The following ACOXL variants were observed in gnomAD, a reference collection of about 807,000 sequenced individuals.
ACOXL encodes the protein acyl-coenzyme A oxidase-like protein.
Under a neutral mutation model 71.9 loss-of-function variants are expected in ACOXL, and 70 were observed. The ratio of observed to expected loss-of-function variants is 0.97; its 90% CI spans 0.80 to 1.19. The LOEUF (loss-of-function observed/expected upper bound fraction) is 1.19, where lower values mean the gene tolerates loss of function less well. ACOXL is among the 50% of genes most tolerant of loss of function. The probability of loss-of-function intolerance (pLI) is 0.00; values close to 1 mark genes in which losing one functional copy is unlikely to be tolerated. For missense variants in ACOXL, 703 were observed against 736.3 expected (o/e 0.95, Z 0.52); for synonymous variants, 253 against 281.6 (o/e 0.90, Z 1.02).
intron 10 of ACOXL, among the ~76,000 whole-genome samples, chr2:110,900,798 C>G (rs1308307457): frequency 2.0e-5 from 3 of 152,142 alleles, no homozygotes; most frequent in Non-Finnish European, 4.4e-5. Flanking sequence ...TAATTGAACC[C>G]TCAAACAAAG....
intron 1 of ACOXL, among the ~76,000 whole-genome samples, chr2:110,753,364 C>A (rs1573345532): frequency 6.6e-6 from 1 of 152,084 alleles, no homozygotes; most frequent in African/African-American, 2.4e-5. Context: ...TATAGCAATG[C>A]AAAGTGGACT....
At chr2:110,766,220 A>G (rs1463645467) in intron 1 of ACOXL, among the ~76,000 whole-genome samples, 1 of 152,028 alleles carries the variant, frequency 6.6e-6, no homozygotes, top group African/African-American at 2.4e-5. Context: ...AATTCTTTGT[A>G]TGTGTTCTGA....
At chr2:110,785,011 T>TG (rs1683779170) in intron 3 of ACOXL, among the ~76,000 whole-genome samples, 196 bp downstream of exon 3, 1 of 152,264 alleles carries the variant, frequency 6.6e-6, no homozygotes, top group Admixed American at 6.5e-5. Flanking sequence ...AATTTGCTTT[T>TG]CTTCTTTGTA....
At chr2:111,082,942 C>T (rs1455037802) in intron 16 of ACOXL, among the ~76,000 whole-genome samples, 1 of 152,052 alleles carries the variant, frequency 6.6e-6, no homozygotes, top group Admixed American at 6.6e-5. Context: ...GAACAGAAAA[C>T]CAAACATCAC....
chr2:111,063,634 G>GA (rs2066920024), intron 16 of ACOXL, among the ~76,000 whole-genome samples: 1 of 151,414 alleles, frequency 6.6e-6, no homozygotes, highest in Non-Finnish European at 1.5e-5. Context: ...CCCCAACTTG[G>GA]AAAAGAGTAT....
intron 10 of ACOXL, among the ~76,000 whole-genome samples, chr2:110,892,360 C>T (rs914831528): frequency 1.3e-5 from 2 of 152,096 alleles, no homozygotes; most frequent in African/African-American, 4.8e-5. Flanking sequence ...TAATCTGTGG[C>T]TGAGGGGTAG....
chr2:111,080,422 T>C (rs960386847), intron 16 of ACOXL, among the ~76,000 whole-genome samples: 3 of 152,236 alleles, frequency 2.0e-5, no homozygotes, highest in African/African-American at 7.2e-5. Flanking sequence ...TGTTGTGTCT[T>C]TGTTCTCATT....
At chr2:110,944,161 G>A (rs1341886804) in intron 12 of ACOXL, among the ~76,000 whole-genome samples, 1 of 152,024 alleles carries the variant, frequency 6.6e-6, no homozygotes, top group Non-Finnish European at 1.5e-5. Context: ...AGGCTCAAGC[G>A]ATTCTCCGGC....
intron 16 of ACOXL, among the ~76,000 whole-genome samples, chr2:111,091,508 A>C (rs1421618869): frequency 6.6e-6 from 1 of 152,222 alleles, no homozygotes; most frequent in African/African-American, 2.4e-5. Context: ...TTTGTAGCAC[A>C]TAAGAAGTTC....
At chr2:110,890,842 A>T (rs548324512) in intron 10 of ACOXL, among the ~76,000 whole-genome samples, 296 of 152,242 alleles carry the variant, frequency 1.9e-3, no homozygotes, top group Middle Eastern at 6.8e-3. Context: ...TTGATATCTG[A>T]AAAATGAGGA....
rs554148568 is a variant in ACOXL, at chr2:111,040,909, C to T, written c.1370-8309C>T. ...AGGCCCGTAGCTGTCATTGTCAACT[C>T]CCACTGTCAGTGGGGAGTCTTGGAA... On this transcript the variant is annotated intron_variant, in intron 15 of 17. Coordinates refer to ENST00000439055, the MANE Select transcript of ACOXL (RefSeq NM_001142807.4). 4.6e-5 allele frequency among the ~76,000 whole-genome samples: 7 copies of T among 152,150 alleles called. No homozygotes were observed. In the South Asian group the frequency reaches 8.3e-4, roughly 18 times the overall value.
chr2:110,981,253 G>T (rs2062696768), intron 12 of ACOXL, among the ~76,000 whole-genome samples: 2 of 152,174 alleles, frequency 1.3e-5, no homozygotes, highest in Admixed American at 6.5e-5. Flanking sequence ...AGCTACTCAG[G>T]AAGCTGAGGC....
chr2:110,825,215 A>G (rs746151052), intron 9 of ACOXL, among the ~76,000 whole-genome samples: 4 of 152,050 alleles, frequency 2.6e-5, no homozygotes, highest in Non-Finnish European at 4.4e-5. Context: ...CCTTTGCTCA[A>G]TTTTCCTGGT....
intron 12 of ACOXL, among the ~76,000 whole-genome samples, chr2:110,933,892 G>A (rs1051756018): frequency 1.3e-5 from 2 of 152,190 alleles, no homozygotes; most frequent in African/African-American, 4.8e-5. Context: ...ATGAAACTTC[G>A]TGGGGCAAAG....
At chr2:111,034,957 G>A (rs567955999) in intron 15 of ACOXL, among the ~76,000 whole-genome samples, 4 of 149,664 alleles carry the variant, frequency 2.7e-5, no homozygotes, top group African/African-American at 4.9e-5. Context: ...TCGCTCTGTC[G>A]CCCAGGCTGG....
At position 110,924,603 on chromosome 2, in the gene ACOXL, A is replaced by G. The variant is rs141289188; in HGVS notation, c.906-8886A>G. 2.1e-3 allele frequency among the ~76,000 whole-genome samples: 313 copies of G among 152,220 alleles called. 2 individuals carry two copies. The highest frequency in any genetic ancestry group is 7.3e-3 in the African/African-American group (304 of 41,546). ...ACTCCTCATCTGTGAAAGTTTTATTATGAGATTGCAGCAATTCAGTCACAT... is the reference window on the plus strand; with the variant it reads ...ACTCCTCATCTGTGAAAGTTTTATTGTGAGATTGCAGCAATTCAGTCACAT... On this transcript the variant is annotated intron_variant, in intron 11 of 17. Transcript: ENST00000439055.
chr2:110,865,895 A>G (rs1694530215), intron 10 of ACOXL, among the ~76,000 whole-genome samples: 1 of 151,680 alleles, frequency 6.6e-6, no homozygotes, highest in Admixed American at 6.6e-5. Flanking sequence ...GACACCTACC[A>G]TGGTAGGTTT....
chr2:110,769,790 C>T (rs565564308), intron 2 of ACOXL, among the ~76,000 whole-genome samples: 29 of 152,074 alleles, frequency 1.9e-4, no homozygotes, highest in Admixed American at 5.2e-4. Context: ...GCTGAGATTG[C>T]GCCACTGCAC....
intron 14 of ACOXL, among the ~76,000 whole-genome samples, chr2:111,015,802 C>A (rs2064396354): frequency 6.6e-6 from 1 of 152,028 alleles, no homozygotes; most frequent in Non-Finnish European, 1.5e-5. Context: ...AATGAATAAA[C>A]TGCTGCCACA....
Sources: allele counts gnomAD v4.1 joint callset (sites outside exome capture counted in the v4.1 genomes callset), GRCh38; gene constraint gnomAD v4.1.1; transcripts MANE v1.5; gene names NCBI Gene and HGNC (gene_info 2026-07-23, HGNC 2026-07-21).